Variants in EIF2AK4 observed in about 807,000 individuals in gnomAD.
EIF2AK4 encodes eIF-2-alpha kinase GCN2.
EIF2AK4 carries 139 observed loss-of-function variants against 211.1 expected under a neutral mutation model. The ratio of observed to expected loss-of-function variants is 0.66; its 90% CI spans 0.57 to 0.76. EIF2AK4 has a LOEUF of 0.76. Among genes scored for constraint, EIF2AK4 ranks in the 30% least tolerant of loss-of-function variants. The probability of loss-of-function intolerance (pLI) is 0.00; values close to 1 mark genes in which losing one functional copy is unlikely to be tolerated. For missense variants in EIF2AK4, 1,664 were observed against 2,043.8 expected (o/e 0.81, Z 3.58); for synonymous variants, 710 against 751.3 (o/e 0.94, Z 0.90).
intron 33 of EIF2AK4, 67 bp from the exon 34 acceptor site, chr15:40,029,339 C>T (rs2035507509): frequency 6.3e-7 from 1 of 1,588,888 alleles, no homozygotes; most frequent in Non-Finnish European, 8.5e-7. Context: ...ATGTAGTTCA[C>T]TGTAAGTTAT....
At chr15:39,938,258 T>C (rs1004954809) in intron 1 of EIF2AK4, among the ~76,000 whole-genome samples, 4 of 152,218 alleles carry the variant, frequency 2.6e-5, no homozygotes, top group African/African-American at 9.7e-5. Context: ...GGGTGATGGA[T>C]GTGTGATGGG....
chr15:39,953,001 C>T (rs939984562), intron 4 of EIF2AK4, among the ~76,000 whole-genome samples: 2 of 152,172 alleles, frequency 1.3e-5, no homozygotes, highest in African/African-American at 4.8e-5. Context: ...GCACCCACCA[C>T]CATGCCTGGC....
intron 7 of EIF2AK4, 102 bp from the exon 8 acceptor site, chr15:39,965,584 T>A (rs2034532566): frequency 1.6e-6 from 2 of 1,289,904 alleles, no homozygotes; most frequent in Non-Finnish European, 2.2e-6. Context: ...TAGCGCATGG[T>A]ATCCATTGTT....
At chr15:39,939,758 C>T in intron 2 of EIF2AK4, 141 bp downstream of exon 2, 1 of 578,866 alleles carries the variant, frequency 1.7e-6, no homozygotes, top group Non-Finnish European at 2.9e-6. Flanking sequence ...AACAAAACTA[C>T]ATCAGCAATA....
chr15:39,992,744 T>C (rs558063407), intron 17 of EIF2AK4, 25 bp from the exon 18 acceptor site: 13 of 1,608,528 alleles, frequency 8.1e-6, no homozygotes, highest in Non-Finnish European at 1.1e-5. Context: ...ATTGGGACGT[T>C]TTCCCTCTGT....
rs115163198 is a variant in EIF2AK4 at position 39,934,881 on chromosome 15, G to A, written c.144+542G>A. 2.2e-3 allele frequency among the ~76,000 whole-genome samples: 333 copies of A among 152,244 alleles called. 3 individuals are homozygous for A. The highest frequency in any genetic ancestry group is 7.7e-3 in the African/African-American group (318 of 41,520). On this transcript the variant is annotated intron_variant, in intron 1 of 38. Coordinates refer to ENST00000263791, the MANE Select transcript of EIF2AK4 (RefSeq NM_001013703.4). ...GTATGGAGGAACTTTCCATACCTCT[G>A]CACCTTCCTCTAAGACATTTAGCTC...
intron 13 of EIF2AK4, among the ~76,000 whole-genome samples, chr15:39,981,781 GAGAA>G (rs1244486278): frequency 6.6e-6 from 1 of 152,154 alleles, no homozygotes; most frequent in Admixed American, 6.5e-5. Context: ...TATCATGTAT[GAGAA>G]AGAAAATTAG....
In EIF2AK4 at chr15:40,035,322, T is replaced by A. The variant is rs2035601710; in HGVS notation, c.*238T>A. ...CCATCTCTATAAAAACTAAAAAAAT[T>A]AGTTGGGCATGGTGGCACATGCCTG... On this transcript the variant is annotated 3_prime_UTR_variant, in exon 39 of 39. Transcript: ENST00000263791. 1 of 270,800 alleles carries A rather than the reference T, an allele frequency of 3.7e-6. No individual in the cohort carries two copies. Among genetic ancestry groups the A allele is most frequent in the African/African-American group, 2.2e-5 (1 of 45,220 alleles). The allele number at this position is 270,800 out of a possible 1,614,324, so 16.8% of individuals were successfully genotyped here. A position where few individuals can be genotyped will look rare whatever the true frequency, so the allele number is the denominator to read the frequency against.
intron 13 of EIF2AK4, 83 bp from the exon 14 acceptor site, chr15:39,985,722 T>C: frequency 2.3e-6 from 3 of 1,310,218 alleles, no homozygotes; most frequent in Non-Finnish European, 3.3e-6. Flanking sequence ...GTGTTGGGGG[T>C]GGGCACAAAT....
At chr15:40,023,675 C>T (rs552396909) in intron 32 of EIF2AK4, among the ~76,000 whole-genome samples, 115 of 152,284 alleles carry the variant, frequency 7.6e-4, no homozygotes, top group African/African-American at 2.5e-3. Flanking sequence ...TTTGTCTAAT[C>T]AGCCTGGCTA....
chr15:39,973,516 T>C, intron 10 of EIF2AK4, 76 bp from the exon 11 acceptor site: 1 of 1,422,522 alleles, frequency 7.0e-7, no homozygotes, highest in Non-Finnish European at 9.6e-7. Flanking sequence ...TTCCAGGGCT[T>C]CCATCATTGT....
At chr15:39,990,443 GT>G in intron 16 of EIF2AK4, 66 bp downstream of exon 16, 1 of 1,363,306 alleles carries the variant, frequency 7.3e-7, no homozygotes, top group Non-Finnish European at 1.0e-6. Context: ...TCCTGGAAGT[GT>G]TAGCGGATAG....
chr15:39,944,307 G>A (rs1029165145), intron 3 of EIF2AK4, among the ~76,000 whole-genome samples: 6 of 152,146 alleles, frequency 3.9e-5, no homozygotes, highest in African/African-American at 1.4e-4. Context: ...AGTGTCTTCT[G>A]GAGGCAGAGT....
intron 21 of EIF2AK4, among the ~76,000 whole-genome samples, chr15:40,001,810 A>G (rs1356678618): frequency 6.6e-6 from 1 of 152,118 alleles, no homozygotes; most frequent in Admixed American, 6.5e-5. Flanking sequence ...CAGGTCCCGT[A>G]GCCCATCTAG....
chr15:39,985,122 G>T (rs2034846993), intron 13 of EIF2AK4, among the ~76,000 whole-genome samples: 1 of 152,156 alleles, frequency 6.6e-6, no homozygotes, highest in Non-Finnish European at 1.5e-5. Context: ...TATGGTTTTT[G>T]TCATTGGTTC....
rs200906585 is a variant in EIF2AK4, at chr15:39,967,617, G to A, written c.1291G>A (p.Val431Ile). Residue 431 changes from valine (V) to isoleucine (I), a missense_variant, in exon 9 of 39, where the codon GTC (valine) becomes ATC (isoleucine). This residue lies in a region of EIF2AK4 where 641 missense variants were observed against 729.6 expected (regional missense o/e 0.88). Transcript: ENST00000263791. ...GCATAAGGTCCTGAGTGCATCTAATGTCTTGGTGGATGCAGAAGGCACCGT... is the reference window on the plus strand; with the variant it reads ...GCATAAGGTCCTGAGTGCATCTAATATCTTGGTGGATGCAGAAGGCACCGT... ...VVHKVLSASN[V>I]LVDAEGTVKI... The A allele has an allele frequency of 1.2e-5, 20 of 1,614,006 alleles. No individual in the cohort carries two copies. The highest frequency in any genetic ancestry group is 1.0e-4 in the Admixed American group (6 of 60,010).
At chr15:40,033,892 G>A (rs2035576959) in intron 37 of EIF2AK4, among the ~76,000 whole-genome samples, 1 of 152,126 alleles carries the variant, frequency 6.6e-6, no homozygotes, top group Non-Finnish European at 1.5e-5. Flanking sequence ...GCCGGGCGTA[G>A]TGGCAGGCGC....
chr15:40,024,168 G>C (rs1407142391), intron 32 of EIF2AK4, among the ~76,000 whole-genome samples: 1 of 151,302 alleles, frequency 6.6e-6, no homozygotes, highest in African/African-American at 2.4e-5. Flanking sequence ...GAAATCTTTT[G>C]GTTAGTGTTT....
chr15:40,017,299 G>C, intron 29 of EIF2AK4, 57 bp downstream of exon 29: 2 of 1,518,420 alleles, frequency 1.3e-6, no homozygotes, highest in Non-Finnish European at 8.9e-7. Context: ...TTCTAAACTT[G>C]TTATTTTGAA....
Sources: gnomAD v4.1 joint callset for allele counts (sites outside exome capture counted in the v4.1 genomes callset) on GRCh38, gnomAD v4.1.1 for gene constraint, gnomAD v4.1.1 regional missense constraint, MANE v1.5 for transcripts, NCBI Gene and HGNC (gene_info 2026-07-23, HGNC 2026-07-21) for gene names.